The following MYBPC1 variants were observed in gnomAD, a reference collection of about 807,000 sequenced individuals.
MYBPC1 encodes the protein myosin binding protein C1, also known as myosin-binding protein C, slow-type.
Under a neutral mutation model 147.1 loss-of-function variants are expected in MYBPC1, and 52 were observed. That is an observed-to-expected ratio of 0.35 (90% CI 0.28 to 0.45). The LOEUF (loss-of-function observed/expected upper bound fraction) is 0.45. Among genes scored for constraint, MYBPC1 ranks in the 20% least tolerant of loss-of-function variants. The pLI is 1.00. For missense variants in MYBPC1, 1,228 were observed against 1,440.3 expected (o/e 0.85, Z 2.39); for synonymous variants, 477 against 475.9 (o/e 1.00, Z -0.03).
chr12:101,644,288 C>T (rs1410281556), intron 11 of MYBPC1, among the ~76,000 whole-genome samples: 1 of 152,208 alleles, frequency 6.6e-6, no homozygotes, highest in Non-Finnish European at 1.5e-5. Flanking sequence ...CTGCCTGCCT[C>T]AGCCTCCCAA....
intron 23 of MYBPC1, among the ~76,000 whole-genome samples, chr12:101,669,090 T>C (rs980072444): frequency 2.0e-5 from 3 of 152,042 alleles, no homozygotes; most frequent in Non-Finnish European, 2.9e-5. Context: ...TTGTCTCAAA[T>C]AAAACAAAAC....
chr12:101,644,532 G>T, intron 11 of MYBPC1, 132 bp from the exon 12 acceptor site: 1 of 792,462 alleles, frequency 1.3e-6, no homozygotes. Context: ...GGATAATTTG[G>T]AAGGTTTCTG....
Position 101,661,181 on chromosome 12 carries a change from C to T in MYBPC1, c.1951C>T (p.Pro651Ser). Residue 651 changes from proline to serine, a missense_variant, in exon 20 of 32, where the codon CCG becomes TCG. Coordinates refer to ENST00000361466, the MANE Select transcript of MYBPC1 (RefSeq NM_002465.4). ...VVDFPDPPVA[P>S]TVTEVGDDWC... Reference sequence around the variant, plus strand: ...AGACTTCCCTGATCCTCCAGTGGCACCGACTGTGACAGAGGTGGGAGATGA... The same window carrying T: ...AGACTTCCCTGATCCTCCAGTGGCATCGACTGTGACAGAGGTGGGAGATGA... 6.2e-7 allele frequency: 1 copy of T among 1,613,696 alleles called. No homozygotes were observed.
Position 101,631,559 on chromosome 12 carries a change from T to C in MYBPC1, c.290-12T>C, listed in dbSNP as rs1360348894. ...GTTAAAGAGCAAGCTGAATCCCTTA[T>C]GCTTCTTCTAGGTGAAGATATCACC... On this transcript the variant is annotated splice_polypyrimidine_tract_variant and intron_variant, in intron 6 of 31. Coordinates refer to ENST00000361466, the MANE Select transcript of MYBPC1 (RefSeq NM_002465.4). The C allele has an allele frequency of 8.1e-6, 13 of 1,613,758 alleles. No individual in the cohort carries two copies. Among genetic ancestry groups the C allele is most frequent in the Non-Finnish European group, 1.1e-5 (13 of 1,179,840 alleles).
chr12:101,631,650 A>G lies in MYBPC1; in HGVS notation c.369A>G (p.Lys123=). 1 of 1,614,220 alleles carries G rather than the reference A, an allele frequency of 6.2e-7. No homozygotes were observed. Among genetic ancestry groups the G allele is most frequent in the Non-Finnish European group, 8.5e-7 (1 of 1,180,044 alleles). The change falls in exon 7 of 32, where the codon AAA becomes AAG. Residue 123 remains lysine (K), a synonymous_variant. Coordinates refer to ENST00000361466, the MANE Select transcript of MYBPC1 (RefSeq NM_002465.4). ...RKPTIKWFKG[K]WMDLASKAGK... Reference sequence around the variant, plus strand: ...CCACTATCAAATGGTTCAAAGGAAAATGGATGGACCTGGCCAGCAAAGCCG... The same window carrying G: ...CCACTATCAAATGGTTCAAAGGAAAGTGGATGGACCTGGCCAGCAAAGCCG...
chr12:101,671,166 G>A (rs1898576489), intron 24 of MYBPC1, among the ~76,000 whole-genome samples: 1 of 152,062 alleles, frequency 6.6e-6, no homozygotes, highest in South Asian at 2.1e-4. Flanking sequence ...GTGTAACTAG[G>A]AACTAGTGTG....
intron 7 of MYBPC1, 21 bp downstream of exon 7, chr12:101,631,740 G>T (rs1157746207): frequency 1.2e-6 from 2 of 1,613,842 alleles, no homozygotes; most frequent in South Asian, 1.1e-5. Flanking sequence ...GAACTCCCAG[G>T]ACAGGCGCTC....
intron 22 of MYBPC1, 74 bp downstream of exon 22, chr12:101,663,634 C>G: frequency 6.6e-7 from 1 of 1,518,318 alleles, no homozygotes; most frequent in Non-Finnish European, 9.0e-7. Context: ...TCTTTTGTCT[C>G]TCTTTCTTGA....
At chr12:101,693,582 A>C in the MYBPC1 span, among the ~76,000 whole-genome samples, 6 of 152,072 alleles carry the variant, frequency 3.9e-5, no homozygotes, top group Non-Finnish European at 8.8e-5. Context: ...CTCTACTAAA[A>C]ATACAAAAAT....
At chr12:101,635,209 A>C (rs1268684926) in intron 9 of MYBPC1, among the ~76,000 whole-genome samples, 1 of 152,206 alleles carries the variant, frequency 6.6e-6, no homozygotes, top group African/African-American at 2.4e-5. Context: ...CAAGGAAGAA[A>C]TGTAAAAGAT....
intron 3 of MYBPC1, among the ~76,000 whole-genome samples, chr12:101,625,056 G>A (rs962186300): frequency 6.6e-6 from 1 of 152,000 alleles, no homozygotes; most frequent in Non-Finnish European, 1.5e-5. Flanking sequence ...AATAAAACTG[G>A]TTATGACTTG....
At position 101,609,388 on chromosome 12, in the gene MYBPC1, C is replaced by T. The variant is rs1209126770; in HGVS notation, c.26-5108C>T. Among the ~76,000 whole-genome samples, 8 of 152,222 alleles carry T rather than the reference C, an allele frequency of 5.3e-5. No homozygotes were observed. The East Asian group carries it at 1.5e-3, about 29-fold the overall frequency. On this transcript the variant is annotated intron_variant, in intron 1 of 31. Coordinates refer to ENST00000361466, the MANE Select transcript of MYBPC1 (RefSeq NM_002465.4). ...CTCACTGCAGCCTCCACCTCCTGGG[C>T]TTAAGTGATCCTCCCACCTCAGCCT...
chr12:101,670,513 C>T, intron 24 of MYBPC1, 104 bp downstream of exon 24: 1 of 987,186 alleles, frequency 1.0e-6, no homozygotes, highest in South Asian at 1.3e-5. Context: ...TCAGGATTTC[C>T]TCAGAGGGAG....
At chr12:101,615,680 CA>C (rs1885803337) in intron 2 of MYBPC1, among the ~76,000 whole-genome samples, 2 of 118,386 alleles carry the variant, frequency 1.7e-5, no homozygotes, top group African/African-American at 6.1e-5. Flanking sequence ...CCCGCCCCCC[CA>C]CACCAAGCAG....
At chr12:101,644,570 T>C in intron 11 of MYBPC1, 94 bp from the exon 12 acceptor site, 4 of 1,198,256 alleles carry the variant, frequency 3.3e-6, no homozygotes, top group Non-Finnish European at 4.8e-6. Flanking sequence ...CATTTTTTCA[T>C]TTGCTTTTAG....
rs575525665 is a variant in MYBPC1, at chr12:101,636,464, G to A, written c.609-208G>A. On this transcript the variant is annotated intron_variant, in intron 9 of 31. Coordinates refer to ENST00000361466, the MANE Select transcript of MYBPC1 (RefSeq NM_002465.4). The stretch of plus-strand genomic sequence containing the variant: ...AAAATGTGTCTTCTGAAATCATAGC[G>A]TAACACAAGCTCCTCATATGTTTAC... 1.4e-4 allele frequency among the ~76,000 whole-genome samples: 22 copies of A among 152,212 alleles called. No individual in the cohort carries two copies. The East Asian group carries it at 3.3e-3, about 23-fold the overall frequency.
At chr12:101,672,106 C>A (rs953174) in intron 24 of MYBPC1, among the ~76,000 whole-genome samples, 57,878 of 152,018 alleles carry the variant, frequency 0.38, 12,099 homozygotes, top group Admixed American at 0.55. Flanking sequence ...ATTAGAGAAC[C>A]CACATTTTTC....
At chr12:101,660,152 G>A (rs998049870) in intron 19 of MYBPC1, 2 of 389,050 alleles carry the variant, frequency 5.1e-6, no homozygotes, top group Non-Finnish European at 9.8e-6. Context: ...AACTATCGAA[G>A]TGCATTTTTC....
intron 15 of MYBPC1, 120 bp from the exon 16 acceptor site, chr12:101,651,111 C>A: frequency 9.4e-7 from 1 of 1,061,664 alleles, no homozygotes; most frequent in Non-Finnish European, 1.5e-6. Context: ...TGCATTGGTA[C>A]AGCTTCTCAC....
Sources: allele counts gnomAD v4.1 joint callset (sites outside exome capture counted in the v4.1 genomes callset), GRCh38; gene constraint gnomAD v4.1.1; transcripts MANE v1.5; gene names NCBI Gene and HGNC (gene_info 2026-07-23, HGNC 2026-07-21).